Variants in BIN1 observed in about 807,000 individuals in gnomAD.
The protein encoded by BIN1 is myc box-dependent-interacting protein 1.
Under a neutral mutation model 82.0 loss-of-function variants are expected in BIN1, and 53 were observed. The observed-to-expected ratio is 0.65, with a 90% CI of 0.52 to 0.81. The LOEUF is 0.81. Ranked by LOEUF, BIN1 falls within the 40% of genes least tolerant of loss-of-function variation. BIN1 has a pLI of 0.00. For synonymous variants in BIN1, 302 were observed against 328.0 expected (o/e 0.92, Z 0.86); for missense variants, 642 against 784.4 (o/e 0.82, Z 2.17).
rs1401448705 is a variant in BIN1 at position 127,057,509 on chromosome 2, C to T, written c.1095G>A (p.Thr365=). ...QEQILSLFED[T]FVPEISVTTP... ...TGGTCACGCTGATCTCAGGGACAAA[C>T]GTGTCCTCAAACAGGCTGAGGATCT... Residue 365 remains threonine, a synonymous_variant, in exon 12 of 19, where the codon ACG becomes ACA. Transcript: ENST00000316724. The surrounding 1 kb of genome is among the most constrained non-coding windows in gnomAD (Gnocchi z 5.0). 3 of 1,547,934 alleles carry T rather than the reference C, an allele frequency of 1.9e-6. No homozygotes were observed. Among genetic ancestry groups the T allele is most frequent in the South Asian group, 1.2e-5 (1 of 83,554 alleles).
rs564747152 is a variant in BIN1, at chr2:127,052,399, C to G, written c.1264-37G>C. The G allele has an allele frequency of 6.9e-6, 10 of 1,458,432 alleles. No homozygotes were observed. In the South Asian group the frequency reaches 1.1e-4, roughly 16 times the overall value. 90.3% of individuals were successfully genotyped at this position (1,458,432 alleles called of 1,614,324 possible). A position where few individuals can be genotyped will look rare whatever the true frequency, so the allele number is the denominator to read the frequency against. ...CCACGAGGAGAGAACAGGGAGGGGGCGGGGAGGCCGGGGTGGAAAGGCAAT... is the reference window on the plus strand; with the variant it reads ...CCACGAGGAGAGAACAGGGAGGGGGGGGGGAGGCCGGGGTGGAAAGGCAAT... On this transcript the variant is annotated intron_variant, in intron 14 of 18. Coordinates refer to ENST00000316724, the MANE Select transcript of BIN1 (RefSeq NM_139343.3).
Position 127,070,772 on chromosome 2 carries a change from G to A in BIN1, c.210C>T (p.Ala70=). The change falls in exon 3 of 19, where the codon GCC becomes GCT. Residue 70 remains alanine, a synonymous_variant. Coordinates refer to ENST00000316724, the MANE Select transcript of BIN1 (RefSeq NM_139343.3). ...RLQKDLRTYL[A]SVKAMHEASK... is the part of the protein sequence containing the mutation. ...CTGCCTGCCTCCTACCTTTGACGGAGGCCAGGTAGGTCCGGAGATCCTTCT... is the reference window on the plus strand; with the variant it reads ...CTGCCTGCCTCCTACCTTTGACGGAAGCCAGGTAGGTCCGGAGATCCTTCT... 1.9e-6 allele frequency: 3 copies of A among 1,613,696 alleles called. No homozygotes were observed. The highest frequency in any genetic ancestry group is 2.5e-6 in the Non-Finnish European group (3 of 1,179,998).
intron 1 of BIN1, among the ~76,000 whole-genome samples, chr2:127,101,225 C>T (rs1259685631): frequency 1.3e-5 from 2 of 152,214 alleles, no homozygotes; most frequent in East Asian, 3.8e-4. Flanking sequence ...CACATCTGCA[C>T]TCTTAATCCT....
chr2:127,048,939 T>G (rs1231764228), intron 18 of BIN1, among the ~76,000 whole-genome samples: 1 of 152,220 alleles, frequency 6.6e-6, no homozygotes, highest in African/African-American at 2.4e-5. Context: ...GATTCCAGGC[T>G]TCTCAAACAA....
intron 1 of BIN1, among the ~76,000 whole-genome samples, chr2:127,079,128 C>G (rs900510283): frequency 3.9e-5 from 6 of 152,240 alleles, no homozygotes; most frequent in African/African-American, 1.4e-4. Context: ...CAGACACACA[C>G]TCGACCCAGT....
intron 15 of BIN1, among the ~76,000 whole-genome samples, chr2:127,051,685 G>A (rs1297846146): frequency 6.6e-6 from 1 of 152,222 alleles, no homozygotes; most frequent in African/African-American, 2.4e-5. Context: ...CCCAGCCTGA[G>A]CACAACCCAG....
chr2:127,063,323 T>C (rs899090917), intron 9 of BIN1, among the ~76,000 whole-genome samples: 5 of 152,144 alleles, frequency 3.3e-5, no homozygotes, highest in Non-Finnish European at 5.9e-5. Context: ...TGGTCTACAT[T>C]CTCAGGTGGT....
Position 127,057,203 on chromosome 2 carries a change from G to A in BIN1, c.1131+270C>T, listed in dbSNP as rs565899827. ...CCTCTGCCATAGCACCCACTGCGTCGCGAGGGCGCTGCTGATGTAACTGCT... is the reference window on the plus strand; with the variant it reads ...CCTCTGCCATAGCACCCACTGCGTCACGAGGGCGCTGCTGATGTAACTGCT... On this transcript the variant is annotated intron_variant, in intron 12 of 18. Coordinates refer to ENST00000316724, the MANE Select transcript of BIN1 (RefSeq NM_139343.3). This position sits in a 1 kb window ranked among gnomAD's most constrained non-coding sequence, Gnocchi z 5.0. Among the ~76,000 whole-genome samples the A allele has an allele frequency of 7.2e-5, 11 of 152,322 alleles. No individual in the cohort carries two copies. The South Asian group carries it at 1.7e-3, about 23-fold the overall frequency.
At chr2:127,096,141 C>T (rs1240531853) in intron 1 of BIN1, among the ~76,000 whole-genome samples, 1 of 152,028 alleles carries the variant, frequency 6.6e-6, no homozygotes, top group Non-Finnish European at 1.5e-5. Context: ...CCTCCAGCCT[C>T]GGCCCCACCT....
intron 1 of BIN1, among the ~76,000 whole-genome samples, chr2:127,105,470 T>TCCC (rs1680946266): frequency 3.8e-5 from 2 of 52,508 alleles, no homozygotes; most frequent in Non-Finnish European, 3.9e-5. Context: ...CTTTAATCCC[T>TCCC]CCTCCTCCTC....
At chr2:127,052,408 C>T in intron 14 of BIN1, 46 bp from the exon 15 acceptor site, 5 of 1,477,142 alleles carry the variant, frequency 3.4e-6, no homozygotes, top group Middle Eastern at 1.9e-4. Context: ...GCGGGGAGGC[C>T]GGGGTGGAAA....
Position 127,051,169 on chromosome 2 carries a change from T to G in BIN1, c.1446A>C (p.Ala482=). Residue 482 remains alanine, a synonymous_variant, in exon 16 of 19, where the codon GCA becomes GCC. Coordinates refer to ENST00000316724, the MANE Select transcript of BIN1 (RefSeq NM_139343.3). ...AGAQEPGETA[A]SEAASSSLPA... The stretch of plus-strand genomic sequence containing the variant: ...GCTGTCTTACGGAGGCTGCTTCACT[T>G]GCCGCCGTCTCCCCTGGCTCCTGGG... The G allele has an allele frequency of 6.2e-7, 1 of 1,613,490 alleles. No individual in the cohort carries two copies. Among genetic ancestry groups the G allele is most frequent in the South Asian group, 1.1e-5 (1 of 91,074 alleles).
intron 15 of BIN1, 25 bp from the exon 16 acceptor site, chr2:127,051,268 G>A (rs772343976): frequency 2.0e-5 from 32 of 1,611,600 alleles, no homozygotes; most frequent in African/African-American, 2.7e-5. Flanking sequence ...CCGGCTTGGG[G>A]TCAGACACAG....
intron 14 of BIN1, chr2:127,052,678 T>C: frequency 2.5e-6 from 1 of 404,186 alleles, no homozygotes; most frequent in Non-Finnish European, 4.5e-6. Flanking sequence ...CGGTGGAGCC[T>C]CCAGAGCTCC....
chr2:127,053,452 G>GC lies in BIN1; in HGVS notation c.1240-8dup. On this transcript the variant is annotated splice_region_variant and splice_polypyrimidine_tract_variant and intron_variant, in intron 13 of 18. Coordinates refer to ENST00000316724, the MANE Select transcript of BIN1 (RefSeq NM_139343.3). ...AGAGGTCCCATGGAATTGACTGAGC[G>GC]CAGCAGTGAGGGCGAGAAGGACAGT... The GC allele has an allele frequency of 6.2e-7, 1 of 1,613,724 alleles. No individual in the cohort carries two copies. Among genetic ancestry groups the GC allele is most frequent in the Non-Finnish European group, 8.5e-7 (1 of 1,179,796 alleles).
intron 1 of BIN1, among the ~76,000 whole-genome samples, chr2:127,101,122 C>T (rs1680297358): frequency 6.6e-6 from 1 of 152,060 alleles, no homozygotes; most frequent in Non-Finnish European, 1.5e-5. Context: ...ACACCCTCCT[C>T]CTCTCCTTTA....
rs1052579600 is a variant in BIN1 at position 127,082,738 on chromosome 2, C to T, written c.85-6032G>A. On this transcript the variant is annotated intron_variant, in intron 1 of 18. Coordinates refer to ENST00000316724, the MANE Select transcript of BIN1 (RefSeq NM_139343.3). This position sits in a 1 kb window ranked among gnomAD's most constrained non-coding sequence, Gnocchi z 6.1. ...CGAGCTGTCCCTGCAACCAGACACA[C>T]AGGACCCCTCTCCCGGCTGCTGCTC... is the stretch of plus-strand genomic sequence containing the variant. Among the ~76,000 whole-genome samples the T allele has an allele frequency of 1.3e-5, 2 of 152,142 alleles. No homozygotes were observed. The highest frequency in any genetic ancestry group is 4.8e-5 in the African/African-American group (2 of 41,412).
At chr2:127,080,908 A>C (rs1157159858) in intron 1 of BIN1, among the ~76,000 whole-genome samples, 1 of 152,190 alleles carries the variant, frequency 6.6e-6, no homozygotes, top group African/African-American at 2.4e-5. Flanking sequence ...CCTCCCTAGA[A>C]AGGCTGGGTG....
chr2:127,068,373 A>C lies in BIN1; in HGVS notation c.520-118T>G. On this transcript the variant is annotated intron_variant, in intron 6 of 18. Transcript: ENST00000316724. This position sits in a 1 kb window ranked among gnomAD's most constrained non-coding sequence, Gnocchi z 4.9. ...CGCCCCACGCGCGGGGGCCACCCCA[A>C]GCAGATATGGGCCCTTGAGGCCGAG... 15 of 703,794 alleles carry C rather than the reference A, an allele frequency of 2.1e-5. No individual in the cohort carries two copies. Among genetic ancestry groups the C allele is most frequent in the Non-Finnish European group, 1.9e-5 (8 of 423,196 alleles). The allele number at this position is 703,794 out of a possible 1,614,324, so 43.6% of individuals were successfully genotyped here.
Sources: allele counts gnomAD v4.1 joint callset (sites outside exome capture counted in the v4.1 genomes callset), GRCh38; gene constraint gnomAD v4.1.1; non-coding constraint Gnocchi (gnomAD v3.1); transcripts MANE v1.5; gene names NCBI Gene and HGNC (gene_info 2026-07-23, HGNC 2026-07-21).